LRP1B: variants seen among roughly 807,000 people sequenced by gnomAD.
The protein encoded by LRP1B is LDL receptor related protein 1B, also known as low-density lipoprotein receptor-related protein 1B.
LRP1B carries 217 observed loss-of-function variants against 556.6 expected under a neutral mutation model. The ratio of observed to expected loss-of-function variants is 0.39; its 90% CI spans 0.35 to 0.44. The LOEUF (loss-of-function observed/expected upper bound fraction) is 0.44, where lower values mean the gene tolerates loss of function less well. LRP1B is among the 20% of genes least tolerant of loss of function. LRP1B has a pLI of 1.00. For missense variants in LRP1B, 5,053 were observed against 5,620.8 expected (o/e 0.90, Z 3.23); for synonymous variants, 2,047 against 1,865.8 (o/e 1.10, Z -2.50).
At position 142,130,537 on chromosome 2, in the gene LRP1B, C is replaced by T. The variant is rs541605128; in HGVS notation, c.82+111G>A. ...CCAGCGCACGGTGGTCACCCGGTCC[C>T]GGGGAGCGGAGCTGCAAGGACTTAA... On this transcript the variant is annotated intron_variant, in intron 1 of 90. Coordinates refer to ENST00000389484, the MANE Select transcript of LRP1B (RefSeq NM_018557.3). The T allele has an allele frequency of 3.9e-5, 35 of 897,482 alleles. No individual in the cohort carries two copies. The African/African-American group carries it at 5.4e-4, about 14-fold the overall frequency. The allele number at this position is 897,482 out of a possible 1,614,324, so 55.6% of individuals were successfully genotyped here.
chr2:140,486,818 T>C (rs531900431), intron 58 of LRP1B, among the ~76,000 whole-genome samples: 7 of 152,020 alleles, frequency 4.6e-5, no homozygotes, highest in Admixed American at 2.6e-4. Flanking sequence ...ATACAGCTAC[T>C]TTAAATCACT....
chr2:141,300,347 C>T (rs1284917350), intron 3 of LRP1B, among the ~76,000 whole-genome samples: 3 of 152,084 alleles, frequency 2.0e-5, no homozygotes, highest in Non-Finnish European at 4.4e-5. Flanking sequence ...GATTCATAGT[C>T]AATTGAGGTT....
chr2:140,473,231 C>A (rs183639226), intron 60 of LRP1B, among the ~76,000 whole-genome samples: 67 of 152,066 alleles, frequency 4.4e-4, no homozygotes, highest in African/African-American at 1.5e-3. Flanking sequence ...TTGGCAGGTG[C>A]CTGATAAGGC....
intron 1 of LRP1B, among the ~76,000 whole-genome samples, chr2:141,899,357 C>CT (rs1699551143): frequency 6.6e-6 from 1 of 152,044 alleles, no homozygotes; most frequent in African/African-American, 2.4e-5. Context: ...GTGGTAAATA[C>CT]TTTTTATTAT....
intron 2 of LRP1B, among the ~76,000 whole-genome samples, chr2:141,622,629 A>T (rs895385758): frequency 6.6e-6 from 1 of 152,240 alleles, no homozygotes; most frequent in Non-Finnish European, 1.5e-5. Context: ...TTTTATTGAC[A>T]TGCTATGTAT....
rs551179266 is a variant in LRP1B, at chr2:141,440,634, G to T, written c.343+39762C>A. 4.0e-4 allele frequency among the ~76,000 whole-genome samples: 61 copies of T among 152,294 alleles called. No individual in the cohort carries two copies. The South Asian group carries it at 4.6e-3, about 11-fold the overall frequency. ...TACTGTACAGTAGCTTTCCCTGCCTGCATTCTGATGGGCCTGTTTCTATAC... is the reference window on the plus strand; with the variant it reads ...TACTGTACAGTAGCTTTCCCTGCCTTCATTCTGATGGGCCTGTTTCTATAC... On this transcript the variant is annotated intron_variant, in intron 3 of 90. Transcript: ENST00000389484.
chr2:140,800,467 C>T (rs987109649), intron 32 of LRP1B, among the ~76,000 whole-genome samples: 6 of 152,070 alleles, frequency 3.9e-5, no homozygotes, highest in African/African-American at 1.4e-4. Flanking sequence ...GCTAGCTGAG[C>T]CTCAGCTGAG....
At chr2:142,059,503 A>G (rs1418862673) in intron 1 of LRP1B, among the ~76,000 whole-genome samples, 1 of 151,478 alleles carries the variant, frequency 6.6e-6, no homozygotes, top group Non-Finnish European at 1.5e-5. Flanking sequence ...ATGAAGTTGC[A>G]ACCCTTACCT....
rs2105397303 is a variant in LRP1B, at chr2:141,020,103, C to A, written c.1790-1G>T. On this transcript the variant is annotated splice_acceptor_variant, in intron 11 of 90. Transcript: ENST00000389484. LOFTEE classifies it high-confidence loss of function. ...GCAATGCCCTCTACATTATCCAGATCTATAAAAAAAGCAAAAACAAGAAAG... is the reference window on the plus strand; with the variant it reads ...GCAATGCCCTCTACATTATCCAGATATATAAAAAAAGCAAAAACAAGAAAG... The A allele has an allele frequency of 6.7e-7, 1 of 1,498,202 alleles. No individual in the cohort carries two copies. The highest frequency in any genetic ancestry group is 1.4e-5 in the South Asian group (1 of 72,862). The allele number at this position is 1,498,202 out of a possible 1,614,324, so 92.8% of individuals were successfully genotyped here. A position where few individuals can be genotyped will look rare whatever the true frequency, so the allele number is the denominator to read the frequency against.
chr2:140,864,831 CT>C (rs1415573673), intron 27 of LRP1B, among the ~76,000 whole-genome samples: 5 of 151,988 alleles, frequency 3.3e-5, no homozygotes, highest in African/African-American at 4.8e-5. Flanking sequence ...GATACATTAT[CT>C]CCAGTTTGAA....
rs80275966 is a variant in LRP1B at position 140,663,590 on chromosome 2, G to T, written c.6799+36660C>A. On this transcript the variant is annotated intron_variant, in intron 41 of 90. Transcript: ENST00000389484. Reference sequence around the variant, plus strand: ...CTCTCGGACTTCATAGAATTAAAGAGAGTTAGGGCCTTTCCTGGATTAGGT... The same window carrying T: ...CTCTCGGACTTCATAGAATTAAAGATAGTTAGGGCCTTTCCTGGATTAGGT... Among the ~76,000 whole-genome samples the T allele has an allele frequency of 3.4e-3, 524 of 152,306 alleles. 4 individuals carry two copies. The highest frequency in any genetic ancestry group is 0.02 in the Middle Eastern group (6 of 294).
At chr2:140,472,421 TAA>T (rs1687807820) in intron 60 of LRP1B, among the ~76,000 whole-genome samples, 1 of 152,068 alleles carries the variant, frequency 6.6e-6, no homozygotes, top group Non-Finnish European at 1.5e-5. Context: ...TACAGAGAAA[TAA>T]AGATTAGGGA....
intron 33 of LRP1B, among the ~76,000 whole-genome samples, chr2:140,775,566 G>C (rs759925761): frequency 6.8e-6 from 1 of 146,860 alleles, no homozygotes; most frequent in Non-Finnish European, 1.5e-5. Flanking sequence ...GGGCTGTACT[G>C]GCTGCCATCT....
rs747196286 is a variant in LRP1B at position 140,776,154 on chromosome 2, C to T, written c.5444G>A (p.Arg1815Gln). The T allele has an allele frequency of 4.4e-6, 7 of 1,593,596 alleles. No individual in the cohort carries two copies. The highest frequency in any genetic ancestry group is 2.3e-5 in the East Asian group (1 of 43,240). The part of the protein sequence containing the change: ...KRDGRNPTIL[R>Q]NKTSGVVHMK... ...ATGAACTACCCCAGAAGTCTTATTC[C>T]GTAGGATGGTGGGGTTTCTTCCGTC... The change falls in exon 33 of 91, where the codon CGG becomes CAG. Residue 1815 changes from arginine (R) to glutamine (Q), a missense_variant. By Grantham distance (43) the Arg-to-Gln change is conservative. This residue lies in a region of LRP1B where 3,619 missense variants were observed against 3,931.9 expected (regional missense o/e 0.92). Coordinates refer to ENST00000389484, the MANE Select transcript of LRP1B (RefSeq NM_018557.3).
chr2:140,764,655 T>C (rs1689039814), intron 35 of LRP1B, among the ~76,000 whole-genome samples: 1 of 152,178 alleles, frequency 6.6e-6, no homozygotes, highest in Non-Finnish European at 1.5e-5. Context: ...AGTTCTAGGT[T>C]CACAGCAGAA....
At chr2:141,959,390 C>G (rs1701344088) in intron 1 of LRP1B, among the ~76,000 whole-genome samples, 1 of 151,938 alleles carries the variant, frequency 6.6e-6, no homozygotes, top group Non-Finnish European at 1.5e-5. Context: ...AAGAGCTTTG[C>G]TTCCACAACT....
chr2:141,162,378 C>A (rs1574141292), intron 7 of LRP1B, among the ~76,000 whole-genome samples: 1 of 152,072 alleles, frequency 6.6e-6, no homozygotes, highest in East Asian at 1.9e-4. Flanking sequence ...TATTCACGAT[C>A]TTTTGTCTTT....
At chr2:141,920,282 G>C (rs1313300330) in intron 1 of LRP1B, among the ~76,000 whole-genome samples, 4 of 120,566 alleles carry the variant, frequency 3.3e-5, no homozygotes, top group East Asian at 2.5e-4. Context: ...TTTTTTTTGG[G>C]GGGGGGTGGT....
intron 6 of LRP1B, among the ~76,000 whole-genome samples, chr2:141,203,376 AAG>A (rs1325381313): frequency 1.3e-5 from 2 of 152,106 alleles, no homozygotes; most frequent in South Asian, 2.1e-4. Flanking sequence ...GAAAAAAAAA[AAG>A]AGTTGCAATC....
Sources: gnomAD v4.1 joint callset for allele counts (sites outside exome capture counted in the v4.1 genomes callset) on GRCh38, gnomAD v4.1.1 for gene constraint, gnomAD v4.1.1 regional missense constraint, MANE v1.5 for transcripts, NCBI Gene and HGNC (gene_info 2026-07-23, HGNC 2026-07-21) for gene names.